BANK1: variants seen among roughly 807,000 people sequenced by gnomAD.
BANK1 encodes the protein B-cell scaffold protein with ankyrin repeats.
A neutral mutation model predicts 94.5 loss-of-function variants in BANK1; 95 were observed. That is an observed-to-expected ratio of 1.00 (90% CI 0.85 to 1.19). The LOEUF (loss-of-function observed/expected upper bound fraction) is 1.19. BANK1 is among the 50% of genes most tolerant of loss of function. The probability of loss-of-function intolerance (pLI) is 0.00; values close to 1 mark genes in which losing one functional copy is unlikely to be tolerated. For synonymous variants in BANK1, 334 were observed against 308.4 expected (o/e 1.08, Z -0.87); for missense variants, 987 against 932.2 (o/e 1.06, Z -0.77).
chr4:102,021,644 A>T (rs770704972), intron 8 of BANK1, 52 bp downstream of exon 8: 2 of 733,856 alleles, frequency 2.7e-6, no homozygotes, highest in Non-Finnish European at 4.0e-6. Context: ...TATATATCAC[A>T]TATATATGTG....
chr4:101,923,132 T>C (rs1269905454), intron 7 of BANK1, among the ~76,000 whole-genome samples: 1 of 151,788 alleles, frequency 6.6e-6, no homozygotes, highest in Non-Finnish European at 1.5e-5. Context: ...AATGTAAAAT[T>C]ATTAAATATA....
At chr4:101,920,366 A>G (rs1468476108) in intron 7 of BANK1, among the ~76,000 whole-genome samples, 1 of 152,026 alleles carries the variant, frequency 6.6e-6, no homozygotes, top group East Asian at 1.9e-4. Context: ...AACTTAAAGT[A>G]TAATAAAAAA....
chr4:102,049,094 T>C (rs1727968117), intron 11 of BANK1, among the ~76,000 whole-genome samples: 1 of 152,218 alleles, frequency 6.6e-6, no homozygotes, highest in Non-Finnish European at 1.5e-5. Flanking sequence ...GCTTATGTTA[T>C]CGAAGCTCAC....
chr4:101,970,393 C>T (rs915312806), intron 7 of BANK1, among the ~76,000 whole-genome samples: 4 of 152,092 alleles, frequency 2.6e-5, no homozygotes, highest in African/African-American at 9.7e-5. Context: ...CTGTAAGAAT[C>T]AGAAGTGGGA....
chr4:102,031,011 C>A (rs926751112), intron 10 of BANK1, among the ~76,000 whole-genome samples: 2 of 152,122 alleles, frequency 1.3e-5, no homozygotes, highest in African/African-American at 4.8e-5. Flanking sequence ...TGAGGAATCG[C>A]CACACTGTCT....
intron 6 of BANK1, among the ~76,000 whole-genome samples, 158 bp downstream of exon 6, chr4:101,895,568 C>T (rs1168387192): frequency 2.6e-5 from 4 of 151,830 alleles, no homozygotes; most frequent in Non-Finnish European, 5.9e-5. Context: ...TTAGTACAAA[C>T]TTCTGAATGT....
intron 11 of BANK1, among the ~76,000 whole-genome samples, chr4:102,052,398 G>A (rs1347061757): frequency 1.3e-5 from 2 of 152,052 alleles, no homozygotes; most frequent in Non-Finnish European, 2.9e-5. Flanking sequence ...TTACAGGCAT[G>A]AGCCACCACG....
intron 7 of BANK1, among the ~76,000 whole-genome samples, chr4:101,975,072 GA>G (rs1272833138): frequency 9.9e-5 from 15 of 152,076 alleles, no homozygotes; most frequent in Middle Eastern, 3.4e-3. Context: ...GGGACTGGGG[GA>G]AAAAAATCTG....
Position 101,799,458 on chromosome 4 carries a change from AC to A in BANK1, c.70+8511del, listed in dbSNP as rs1725275198. ...TTGGCAATGCAGGCTCTGGGTATAT[AC>A]CCAAAGGATTATAAATCATGCTGCT... is the stretch of plus-strand genomic sequence containing the variant. On this transcript the variant is annotated intron_variant, in intron 1 of 16. Coordinates refer to ENST00000322953, the MANE Select transcript of BANK1 (RefSeq NM_017935.5). Among the ~76,000 whole-genome samples the A allele has an allele frequency of 2.6e-5, 4 of 152,206 alleles. No individual in the cohort carries two copies. In the South Asian group the frequency reaches 8.3e-4, roughly 32 times the overall value.
At position 102,074,572 on chromosome 4, in the gene BANK1, T is replaced by TATC. The variant is rs1728862754; in HGVS notation, c.*574_*576dup. On this transcript the variant is annotated 3_prime_UTR_variant, in exon 17 of 17. Coordinates refer to ENST00000322953, the MANE Select transcript of BANK1 (RefSeq NM_017935.5). Reference sequence around the variant, plus strand: ...ACATTATTATTTGAAAACTTTTCTATATCTCAAATTAATATACATTTTCAT... The same window carrying TATC: ...ACATTATTATTTGAAAACTTTTCTATATCATCTCAAATTAATATACATTTTCAT... 1 of 152,082 alleles carries TATC rather than the reference T, an allele frequency of 6.6e-6. No individual in the cohort carries two copies. The highest frequency in any genetic ancestry group is 1.5e-5 in the Non-Finnish European group (1 of 67,908). 9.4% of individuals were successfully genotyped at this position (152,082 alleles called of 1,614,324 possible).
At chr4:101,795,718 C>A (rs539584778) in intron 1 of BANK1, among the ~76,000 whole-genome samples, 64 of 152,236 alleles carry the variant, frequency 4.2e-4, no homozygotes, top group African/African-American at 1.4e-3. Context: ...TTCTTTAATT[C>A]TCTCATGATT....
At chr4:101,982,199 A>T (rs968306083) in intron 7 of BANK1, among the ~76,000 whole-genome samples, 1 of 151,774 alleles carries the variant, frequency 6.6e-6, no homozygotes, top group Non-Finnish European at 1.5e-5. Flanking sequence ...TTTATATTTT[A>T]TGGTGTCTTT....
At position 102,063,140 on chromosome 4, in the gene BANK1, TA is replaced by T; in HGVS notation, c.2212+4del. On this transcript the variant is annotated splice_donor_region_variant and intron_variant, in intron 13 of 16. Transcript: ENST00000322953. ...GGCCAGAAGAAGAAAATGTCTATAGTAAGTAAGATTCGCCTGCTATTCAAAA... is the reference window on the plus strand; with the variant it reads ...GGCCAGAAGAAGAAAATGTCTATAGTAGTAAGATTCGCCTGCTATTCAAAA... 6.2e-7 allele frequency: 1 copy of T among 1,610,026 alleles called. No homozygotes were observed. The highest frequency in any genetic ancestry group is 1.3e-5 in the African/African-American group (1 of 74,926).
chr4:102,073,739 A>G lies in BANK1; in HGVS notation c.2354A>G (p.His785Arg). ...TTTGGTTTCTGTTGCAAGAAAGATC[A>G]TTAAAGAAGGTAAAATATTAGCTGT... Reference protein sequence around the residue: ...KEFGFCCKKDH With the variant: ...KEFGFCCKKDR Residue 785 changes from histidine to arginine, a missense_variant, in exon 16 of 17, where the codon CAT (histidine) becomes CGT (arginine). His to Arg is a conservative substitution (Grantham distance 29, BLOSUM62 0). Transcript: ENST00000322953. The G allele has an allele frequency of 6.2e-7, 1 of 1,610,076 alleles. No homozygotes were observed. The highest frequency in any genetic ancestry group is 8.5e-7 in the Non-Finnish European group (1 of 1,177,450).
chr4:101,840,219 C>T (rs554618601), intron 2 of BANK1, among the ~76,000 whole-genome samples: 2 of 151,634 alleles, frequency 1.3e-5, no homozygotes, highest in South Asian at 2.1e-4. Flanking sequence ...CCGCCCGCCT[C>T]GGCCTCCCGA....
At chr4:101,977,820 A>G (rs1725186408) in intron 7 of BANK1, among the ~76,000 whole-genome samples, 1 of 152,184 alleles carries the variant, frequency 6.6e-6, no homozygotes, top group African/African-American at 2.4e-5. Context: ...AAGAATTGCT[A>G]TTTTAAAAAT....
At chr4:101,842,569 G>T (rs575010102) in intron 2 of BANK1, among the ~76,000 whole-genome samples, 4 of 152,194 alleles carry the variant, frequency 2.6e-5, no homozygotes, top group Non-Finnish European at 5.9e-5. Context: ...CTATACTCTT[G>T]GACAAATTTT....
At chr4:101,980,253 TG>T (rs1420368351) in intron 7 of BANK1, among the ~76,000 whole-genome samples, 1 of 151,870 alleles carries the variant, frequency 6.6e-6, no homozygotes, top group Non-Finnish European at 1.5e-5. Context: ...TTCATAATTT[TG>T]TTTTCATTTT....
intron 7 of BANK1, among the ~76,000 whole-genome samples, chr4:101,995,003 G>A (rs1173431385): frequency 1.3e-5 from 2 of 152,036 alleles, no homozygotes; most frequent in Non-Finnish European, 2.9e-5. Flanking sequence ...GAACGTGCCA[G>A]TTTGTTGCAT....
Sources: gnomAD v4.1 joint callset for allele counts (sites outside exome capture counted in the v4.1 genomes callset) on GRCh38, gnomAD v4.1.1 for gene constraint, MANE v1.5 for transcripts, NCBI Gene and HGNC (gene_info 2026-07-23, HGNC 2026-07-21) for gene names.